Variants in MBD5 observed in about 807,000 individuals in gnomAD.
The protein encoded by MBD5 is methyl-CpG-binding domain protein 5.
MBD5 carries 13 observed loss-of-function variants against 117.3 expected under a neutral mutation model. That is an observed-to-expected ratio of 0.11 (90% CI 0.07 to 0.18). The LOEUF (loss-of-function observed/expected upper bound fraction) is 0.18, where lower values mean the gene tolerates loss of function less well. Among genes scored for constraint, MBD5 ranks in the 10% least tolerant of loss-of-function variants. MBD5 has a pLI of 1.00. For missense variants in MBD5, 1,879 were observed against 2,093.8 expected (o/e 0.90, Z 2.00); for synonymous variants, 727 against 766.4 (o/e 0.95, Z 0.85).
intron 8 of MBD5, 145 bp from the exon 9 acceptor site, chr2:148,482,965 C>G: frequency 2.3e-6 from 2 of 857,962 alleles, no homozygotes; most frequent in Non-Finnish European, 3.6e-6. Context: ...GTCAAGTGAT[C>G]TGATTACAAT....
At chr2:148,314,198 T>C (rs1180345863) in intron 3 of MBD5, among the ~76,000 whole-genome samples, 2 of 152,088 alleles carry the variant, frequency 1.3e-5, no homozygotes, top group East Asian at 3.9e-4. Context: ...CAGCATTTTA[T>C]AAACATATCA....
intron 3 of MBD5, among the ~76,000 whole-genome samples, chr2:148,271,777 A>ATT (rs70992201): frequency 2.0e-5 from 3 of 152,040 alleles, no homozygotes; most frequent in Non-Finnish European, 2.9e-5. Context: ...CATTTTTACC[A>ATT]TTTTTTGTGA....
chr2:148,255,407 A>G (rs1489729775), intron 3 of MBD5, among the ~76,000 whole-genome samples: 9 of 152,138 alleles, frequency 5.9e-5, no homozygotes, highest in South Asian at 2.1e-4. Flanking sequence ...GCAGTCAACC[A>G]TGGGGGCCGT....
chr2:148,350,242 G>T (rs1703218922), intron 4 of MBD5, among the ~76,000 whole-genome samples: 1 of 151,968 alleles, frequency 6.6e-6, no homozygotes, highest in African/African-American at 2.4e-5. Flanking sequence ...AACTAAACTT[G>T]CAAATTCATT....
At position 148,468,942 on chromosome 2, in the gene MBD5, C is replaced by A. The variant is rs766740426; in HGVS notation, c.999C>A (p.Pro333=). The change falls in exon 8 of 14, where the codon CCC becomes CCA. Residue 333 remains proline (P), a synonymous_variant. Coordinates refer to ENST00000642680, the MANE Select transcript of MBD5 (RefSeq NM_001378120.1). ...GAGCAATGTTCCACCACAAACCACC[C>A]CAAGGCCCACCTCCCCCTCCTCCAC... The part of the protein sequence containing the change: ...IPRAMFHHKP[P]QGPPPPPPPS... 6 of 1,613,784 alleles carry A rather than the reference C, an allele frequency of 3.7e-6. No individual in the cohort carries two copies. In the South Asian group the frequency reaches 6.6e-5, roughly 18 times the overall value.
chr2:148,171,777 C>T (rs1017085572), intron 1 of MBD5, among the ~76,000 whole-genome samples: 1 of 152,120 alleles, frequency 6.6e-6, no homozygotes, highest in African/African-American at 2.4e-5. Context: ...TTGCAGGATA[C>T]AAAAAATCAA....
chr2:148,392,531 C>G (rs1704597095), intron 4 of MBD5, among the ~76,000 whole-genome samples: 1 of 152,174 alleles, frequency 6.6e-6, no homozygotes, highest in Admixed American at 6.5e-5. Context: ...CTTATGTACA[C>G]CATAGCCTGA....
chr2:148,429,189 A>G (rs1000930782), intron 4 of MBD5, among the ~76,000 whole-genome samples: 4 of 152,224 alleles, frequency 2.6e-5, no homozygotes, highest in Non-Finnish European at 5.9e-5. Context: ...GGAGAAAAAT[A>G]TGAAGAGACA....
intron 2 of MBD5, among the ~76,000 whole-genome samples, chr2:148,197,793 G>GGT (rs1270212987): frequency 8.0e-5 from 6 of 74,734 alleles, no homozygotes; most frequent in African/African-American, 3.4e-4. Context: ...TAGCATCTGA[G>GGT]GTTTTTTTTT....
chr2:148,428,813 C>T (rs1481398309), intron 4 of MBD5, among the ~76,000 whole-genome samples: 2 of 152,072 alleles, frequency 1.3e-5, no homozygotes, highest in Non-Finnish European at 2.9e-5. Flanking sequence ...AGAAACTGGA[C>T]CCCTTCCTTA....
intron 4 of MBD5, among the ~76,000 whole-genome samples, chr2:148,380,062 T>C (rs1045240619): frequency 4.6e-5 from 7 of 152,144 alleles, no homozygotes; most frequent in Non-Finnish European, 7.4e-5. Context: ...CAAAAAGTTA[T>C]GCCAGGCAAA....
At position 148,483,421 on chromosome 2, in the gene MBD5, C is replaced by G. The variant is rs751266582; in HGVS notation, c.2830C>G (p.Pro944Ala). The change falls in exon 9 of 14, where the codon CCT (proline) becomes GCT (alanine). Residue 944 changes from proline (P) to alanine (A), a missense_variant. By Grantham distance (27) the Pro-to-Ala change is conservative (BLOSUM62 -1). Transcript: ENST00000642680. ...LNQNLLNILQ[P>A]SAGEGKSEIN... ...CCAGAATCTATTAAATATCCTCCAG[C>G]CTTCAGCAGGAGAAGGCAAGTCTGA... 1.2e-6 allele frequency: 2 copies of G among 1,614,046 alleles called. No homozygotes were observed. The highest frequency in any genetic ancestry group is 1.1e-5 in the South Asian group (1 of 91,080).
chr2:148,445,603 A>G (rs1425162427), intron 4 of MBD5, among the ~76,000 whole-genome samples: 4 of 151,310 alleles, frequency 2.6e-5, no homozygotes, highest in East Asian at 1.9e-4. Flanking sequence ...ACATATGTGT[A>G]AATGTATCTT....
At chr2:148,076,098 A>C (rs373254515) in intron 1 of MBD5, among the ~76,000 whole-genome samples, 1 of 152,186 alleles carries the variant, frequency 6.6e-6, no homozygotes, top group African/African-American at 2.4e-5. Flanking sequence ...AGTTAAAGAA[A>C]ACATATCACA....
chr2:148,458,737 G>A lies in MBD5; in HGVS notation c.-22G>A. On this transcript the variant is annotated 5_prime_UTR_variant, in exon 5 of 14. Coordinates refer to ENST00000642680, the MANE Select transcript of MBD5 (RefSeq NM_001378120.1). ...TCATCTTATTGCTGATATCTTTGGAGAGTCCCTAGCAGACACAGAAAATGA... is the reference window on the plus strand; with the variant it reads ...TCATCTTATTGCTGATATCTTTGGAAAGTCCCTAGCAGACACAGAAAATGA... 6.3e-7 allele frequency: 1 copy of A among 1,583,392 alleles called. No homozygotes were observed. Among genetic ancestry groups the A allele is most frequent in the South Asian group, 1.1e-5 (1 of 90,484 alleles).
At chr2:148,257,909 A>C (rs1253514774) in intron 3 of MBD5, among the ~76,000 whole-genome samples, 1 of 152,186 alleles carries the variant, frequency 6.6e-6, no homozygotes, top group Non-Finnish European at 1.5e-5. Context: ...ACGTTTGATG[A>C]TACAGCTTCA....
chr2:148,322,344 G>A (rs1031482515), intron 3 of MBD5, among the ~76,000 whole-genome samples: 8 of 152,174 alleles, frequency 5.3e-5, no homozygotes, highest in Admixed American at 2.6e-4. Context: ...CAGCTTGTAA[G>A]TGCCTTGAGG....
chr2:148,109,422 T>A (rs1696454630), intron 1 of MBD5, among the ~76,000 whole-genome samples: 1 of 152,234 alleles, frequency 6.6e-6, no homozygotes, highest in Non-Finnish European at 1.5e-5. Context: ...ACATAATTAT[T>A]TCATCATAAG....
intron 1 of MBD5, among the ~76,000 whole-genome samples, chr2:148,093,045 G>A (rs188527035): frequency 1.4e-4 from 21 of 151,930 alleles, no homozygotes; most frequent in African/African-American, 3.9e-4. Flanking sequence ...AGCCTCTCGC[G>A]TAGGTGGGAT....
Sources: allele counts gnomAD v4.1 joint callset (sites outside exome capture counted in the v4.1 genomes callset), GRCh38; gene constraint gnomAD v4.1.1; transcripts MANE v1.5; gene names NCBI Gene and HGNC (gene_info 2026-07-23, HGNC 2026-07-21).